The following DUSP18 variants were observed in gnomAD, a reference collection of about 807,000 sequenced individuals.
DUSP18 encodes dual specificity protein phosphatase 18.
A neutral mutation model predicts 6.3 loss-of-function variants in DUSP18; 4 were observed. The ratio of observed to expected loss-of-function variants is 0.63; its 90% confidence interval spans 0.31 to 1.45. The LOEUF is 1.45. Ranked by LOEUF, DUSP18 falls within the 40% of genes most tolerant of loss-of-function variation. DUSP18 has a pLI of 0.07. For synonymous variants in DUSP18, 96 were observed against 95.1 expected (o/e 1.01, Z -0.05); for missense variants, 235 against 247.7 (o/e 0.95, Z 0.34).
chr22:30,659,196 G>A (rs978892822), downstream of DUSP18, among the ~76,000 whole-genome samples: 1 of 151,120 alleles, frequency 6.6e-6, no homozygotes, highest in Non-Finnish European at 1.5e-5. Context: ...GGAGACAGAT[G>A]AGGATCGAAC....
At chr22:30,657,624 G>A, downstream of DUSP18, among the ~76,000 whole-genome samples, 1 of 151,914 alleles carries the variant, frequency 6.6e-6, no homozygotes, top group East Asian at 1.9e-4. Context: ...TAAAAAATAG[G>A]CCAGGCGCGG....
rs756544719 is a variant in DUSP18, at chr22:30,664,012, TG to T, written c.-10del. ...CACGAGGGTGCTGTCATCAAGGCGG[TG>T]GGTCAGTGGTCAGCAGTCAGCGAAG... On this transcript the variant is annotated 5_prime_UTR_variant, in exon 2 of 2. Transcript: ENST00000334679. The T allele has an allele frequency of 6.2e-7, 1 of 1,607,740 alleles. No homozygotes were observed. Among genetic ancestry groups the T allele is most frequent in the Non-Finnish European group, 8.5e-7 (1 of 1,175,326 alleles).
rs2088548851 is a variant in DUSP18 at position 30,663,573 on chromosome 22, TTGGGTCGGATGA to T, written c.419_430del (p.Ile140_Pro143del). The stretch of plus-strand genomic sequence containing the variant: ...GATGAGCTGCTCCCAAAAGCCGCTG[TTGGGTCGGATGA>T]TGGGCCGGCATGACTTGGTCCACGT... On this transcript the variant is annotated inframe_deletion, in exon 2 of 2. Coordinates refer to ENST00000334679, the MANE Select transcript of DUSP18 (RefSeq NM_152511.5). 6.2e-7 allele frequency: 1 copy of T among 1,614,048 alleles called. No individual in the cohort carries two copies. The highest frequency in any genetic ancestry group is 1.1e-5 in the South Asian group (1 of 91,090).
At chr22:30,658,005 G>T (rs1602094983), downstream of DUSP18, among the ~76,000 whole-genome samples, 1 of 151,464 alleles carries the variant, frequency 6.6e-6, no homozygotes, top group Non-Finnish European at 1.5e-5. Flanking sequence ...TACTCAGGAG[G>T]CTAAGGTAAG....
In DUSP18 at chr22:30,664,013, G is replaced by GGGTCAGCGGTT. The variant is rs780400702; in HGVS notation, c.-11_-10insAACCGCTGACC. 6.2e-7 allele frequency: 1 copy of GGGTCAGCGGTT among 1,607,326 alleles called. No individual in the cohort carries two copies. Among genetic ancestry groups the GGGTCAGCGGTT allele is most frequent in the South Asian group, 1.1e-5 (1 of 90,660 alleles). On this transcript the variant is annotated 5_prime_UTR_variant, in exon 2 of 2. Transcript: ENST00000334679. ...ACGAGGGTGCTGTCATCAAGGCGGT[G>GGGTCAGCGGTT]GGTCAGTGGTCAGCAGTCAGCGAAG...
intron 1 of DUSP18, among the ~76,000 whole-genome samples, chr22:30,666,234 C>T (rs1265911936): frequency 6.6e-6 from 1 of 152,176 alleles, no homozygotes; most frequent in Non-Finnish European, 1.5e-5. Context: ...GAGGAATGTG[C>T]TGTTCATTAT....
rs145095975 is a variant in DUSP18, at chr22:30,663,987, C to T, written c.17G>A (p.Cys6Tyr). Residue 6 changes from cysteine to tyrosine, a missense_variant, in exon 2 of 2, where the codon TGT becomes TAT. Cys to Tyr is a radical substitution (Grantham distance 194, BLOSUM62 -2). Coordinates refer to ENST00000334679, the MANE Select transcript of DUSP18 (RefSeq NM_152511.5). ...CTGCCGGAACTGAACTGGGAAGGCACACGAGGGTGCTGTCATCAAGGCGGT... is the reference window on the plus strand; with the variant it reads ...CTGCCGGAACTGAACTGGGAAGGCATACGAGGGTGCTGTCATCAAGGCGGT... MTAPS[C>Y]AFPVQFRQPS... is the part of the protein sequence containing the mutation. 24 of 1,613,022 alleles carry T rather than the reference C, an allele frequency of 1.5e-5. No individual in the cohort carries two copies. In the African/African-American group the frequency reaches 2.4e-4, roughly 16 times the overall value.
chr22:30,663,768 A>G lies in DUSP18; in HGVS notation c.236T>C (p.Leu79Pro). 1 of 1,614,210 alleles carries G rather than the reference A, an allele frequency of 6.2e-7. No homozygotes were observed. Among genetic ancestry groups the G allele is most frequent in the East Asian group, 2.2e-5 (1 of 44,878 alleles). The part of the protein sequence containing the change: ...VPVADSPNSR[L>P]CDFFDPIADH... Reference sequence around the variant, plus strand: ...AGCAATAGGGTCAAAGAAGTCACAGAGACGTGAGTTAGGGGAGTCAGCCAC... The same window carrying G: ...AGCAATAGGGTCAAAGAAGTCACAGGGACGTGAGTTAGGGGAGTCAGCCAC... Residue 79 changes from leucine (L) to proline (P), a missense_variant, in exon 2 of 2, where the codon CTC becomes CCC. Transcript: ENST00000334679.
At chr22:30,654,818 C>T (rs370804785) in intron 2 of DUSP18, 30 of 184,008 alleles carry the variant, frequency 1.6e-4, no homozygotes, top group African/African-American at 4.5e-4. Context: ...CTGCCATCTT[C>T]GGCAGCCGCC....
chr22:30,667,106 G>C (rs1013836461), intron 1 of DUSP18: 3 of 152,192 alleles, frequency 2.0e-5, no homozygotes, highest in Non-Finnish European at 2.9e-5. Context: ...TACAGCCTAT[G>C]AAGTATTTGG....
At chr22:30,665,660 A>G (rs2088623410) in intron 1 of DUSP18, 2 of 396,964 alleles carry the variant, frequency 5.0e-6, no homozygotes, top group Middle Eastern at 3.5e-4. Flanking sequence ...CCTTCCTAAC[A>G]CTTACTGAAG....
At chr22:30,655,949 A>G (rs977397254) in intron 2 of DUSP18, among the ~76,000 whole-genome samples, 2 of 148,726 alleles carry the variant, frequency 1.3e-5, no homozygotes, top group African/African-American at 5.0e-5. Context: ...TTTTTTTCTT[A>G]TTTTCATTCA....
chr22:30,661,435 T>C (rs895668041), downstream of DUSP18: 1 of 121,146 alleles, frequency 8.3e-6, no homozygotes, highest in African/African-American at 2.6e-5. Flanking sequence ...CTTTTTTTCT[T>C]TTCTTTTTCT....
downstream of DUSP18, among the ~76,000 whole-genome samples, chr22:30,659,887 T>TAGAAGTATTTAAAGTGTGAGAA (rs1480224481): frequency 1.3e-5 from 2 of 152,190 alleles, no homozygotes; most frequent in African/African-American, 4.8e-5. Context: ...AAGGAAAAGT[T>TAGAAGTATTTAAAGTGTGAGAA]AGAAGTATTT....
chr22:30,659,759 CT>C (rs1385196452), downstream of DUSP18, among the ~76,000 whole-genome samples: 3 of 152,206 alleles, frequency 2.0e-5, no homozygotes, highest in African/African-American at 7.2e-5. Context: ...ACAAAGGAGA[CT>C]GCAGATGTAA....
chr22:30,664,424 CT>C (rs2088579993), intron 1 of DUSP18, among the ~76,000 whole-genome samples: 1 of 152,232 alleles, frequency 6.6e-6, no homozygotes, highest in East Asian at 1.9e-4. Flanking sequence ...ACTTGTGTCC[CT>C]CAGCTGTGCC....
intron 2 of DUSP18, among the ~76,000 whole-genome samples, chr22:30,656,433 C>T (rs1212502292): frequency 6.6e-6 from 1 of 152,170 alleles, no homozygotes; most frequent in Non-Finnish European, 1.5e-5. Flanking sequence ...CCCTGTTTAT[C>T]TGACAGGGCA....
In DUSP18 at chr22:30,663,294, C is replaced by CA; in HGVS notation, c.*142dup. 1.3e-6 allele frequency: 1 copy of CA among 793,518 alleles called. No individual in the cohort carries two copies. Among genetic ancestry groups the CA allele is most frequent in the African/African-American group, 1.7e-5 (1 of 57,578 alleles). The allele number at this position is 793,518 out of a possible 1,614,324, so 49.2% of individuals were successfully genotyped here. ...AAATGGATTATAAAGTTAAAAGCTA[C>CA]AGCAACTCTTTTTTGTGCTCATAAA... On this transcript the variant is annotated 3_prime_UTR_variant, in exon 2 of 2. Transcript: ENST00000334679.
At chr22:30,657,860 C>T (rs528397102), downstream of DUSP18, among the ~76,000 whole-genome samples, 33 of 150,658 alleles carry the variant, frequency 2.2e-4, no homozygotes, top group Middle Eastern at 3.5e-3. Flanking sequence ...GCCAAGATCA[C>T]GCCACTGCAC....
Sources: allele counts gnomAD v4.1 joint callset (sites outside exome capture counted in the v4.1 genomes callset), GRCh38; gene constraint gnomAD v4.1.1; transcripts MANE v1.5; gene names NCBI Gene and HGNC (gene_info 2026-07-23, HGNC 2026-07-21).